The following ANAPC10 variants were observed in gnomAD, a reference collection of about 807,000 sequenced individuals.
The protein encoded by ANAPC10 is anaphase promoting complex subunit 10.
A neutral mutation model predicts 22.0 loss-of-function variants in ANAPC10; 12 were observed. The ratio of observed to expected loss-of-function variants is 0.55; its 90% CI spans 0.35 to 0.88. ANAPC10 has a LOEUF of 0.88. ANAPC10 is among the 40% of genes least tolerant of loss of function. The pLI, the probability that ANAPC10 is intolerant of heterozygous loss-of-function variation, is 0.01. For synonymous variants in ANAPC10, 65 were observed against 69.5 expected, an observed-to-expected ratio of 0.94 and a Z score of 0.32; for missense variants, 188 against 220.9, an observed-to-expected ratio of 0.85 and a Z score of 0.94.
intron 4 of ANAPC10, among the ~76,000 whole-genome samples, chr4:145,047,738 G>C (rs908230742): frequency 2.6e-5 from 4 of 152,048 alleles, no homozygotes; most frequent in Non-Finnish European, 5.9e-5. Context: ...TCAGAGAAAT[G>C]ATAAAATTTT....
At chr4:145,035,547 AC>A (rs1008543426) in intron 4 of ANAPC10, 2 of 152,296 alleles carry the variant, frequency 1.3e-5, no homozygotes, top group African/African-American at 4.8e-5. Context: ...AGGCTCTCCA[AC>A]TCCTAGGTCA....
At chr4:145,066,777 T>TA (rs34932133) in intron 3 of ANAPC10, among the ~76,000 whole-genome samples, 144,369 of 150,080 alleles carry the variant, frequency 0.96, 69,645 homozygotes, top group Non-Finnish European at 1. Flanking sequence ...TTTTCTGATT[T>TA]AAAAAAAAAA....
At chr4:145,015,403 A>C (rs925550678) in intron 4 of ANAPC10, among the ~76,000 whole-genome samples, 2 of 152,124 alleles carry the variant, frequency 1.3e-5, no homozygotes, top group Admixed American at 6.5e-5. Context: ...AAAAAGAATA[A>C]GAAAATATGA....
At chr4:144,996,013 A>C (rs1293517125) in intron 4 of ANAPC10, among the ~76,000 whole-genome samples, 1 of 152,222 alleles carries the variant, frequency 6.6e-6, no homozygotes, top group African/African-American at 2.4e-5. Context: ...AGATACTCAT[A>C]TTTTGAACAG....
Position 145,014,768 on chromosome 4 carries a change from G to A in ANAPC10, c.328-19165C>T, listed in dbSNP as rs1249590376. Among the ~76,000 whole-genome samples the A allele has an allele frequency of 2.0e-5, 3 of 152,304 alleles. No homozygotes were observed. The East Asian group carries it at 5.8e-4, about 29-fold the overall frequency. On this transcript the variant is annotated intron_variant, in intron 4 of 4. Coordinates refer to ENST00000507656, the MANE Select transcript of ANAPC10 (RefSeq NM_001256706.2). ...GACGGTTCACATCACAGGACTCTGT[G>A]CAGACAATGCCCAGTACCAGTCCGG...
At chr4:145,062,097 T>C (rs1422216314) in intron 4 of ANAPC10, among the ~76,000 whole-genome samples, 1 of 151,128 alleles carries the variant, frequency 6.6e-6, no homozygotes, top group Non-Finnish European at 1.5e-5. Flanking sequence ...GATAAAAAAA[T>C]TTAAAATATT....
At chr4:145,058,300 T>C (rs891188632) in intron 4 of ANAPC10, among the ~76,000 whole-genome samples, 2 of 152,166 alleles carry the variant, frequency 1.3e-5, no homozygotes, top group African/African-American at 4.8e-5. Flanking sequence ...ATGACCCTGC[T>C]AGAATGCCTC....
rs762369477 is a variant in ANAPC10 at position 145,098,193 on chromosome 4, G to C, written c.-86C>G. On this transcript the variant is annotated 5_prime_UTR_variant, in exon 1 of 5. Coordinates refer to ENST00000507656, the MANE Select transcript of ANAPC10 (RefSeq NM_001256706.2). ...AGCAGCTGGCTTCGCCAACGGCGTT[G>C]AACAAGGGTCGCAGCTCAATGACGT... The C allele has an allele frequency of 1.3e-5, 2 of 152,684 alleles. No homozygotes were observed. Among genetic ancestry groups the C allele is most frequent in the African/African-American group, 2.4e-5 (1 of 41,474 alleles). The allele number at this position is 152,684 out of a possible 1,614,324, so 9.5% of individuals were successfully genotyped here. A position where few individuals can be genotyped will look rare whatever the true frequency, so the allele number is the denominator to read the frequency against.
intron 4 of ANAPC10, among the ~76,000 whole-genome samples, chr4:145,030,186 C>T (rs1737346694): frequency 6.6e-6 from 1 of 152,168 alleles, no homozygotes; most frequent in Admixed American, 6.5e-5. Flanking sequence ...TTAACTTATA[C>T]AAACAGAAAA....
chr4:145,070,025 T>C (rs1744265832), intron 3 of ANAPC10, among the ~76,000 whole-genome samples: 1 of 152,182 alleles, frequency 6.6e-6, no homozygotes, highest in African/African-American at 2.4e-5. Context: ...TTAAAGTCCC[T>C]AATCTATAAT....
intron 4 of ANAPC10, among the ~76,000 whole-genome samples, chr4:145,044,905 T>A (rs915644495): frequency 6.6e-6 from 1 of 152,078 alleles, no homozygotes; most frequent in African/African-American, 2.4e-5. Flanking sequence ...TGAACTGATT[T>A]GTAAATTATG....
chr4:145,096,534 G>C (rs1352911434), intron 1 of ANAPC10, among the ~76,000 whole-genome samples: 1 of 152,204 alleles, frequency 6.6e-6, no homozygotes, highest in Non-Finnish European at 1.5e-5. Flanking sequence ...TAGACTTTGA[G>C]TAGGTCTGGG....
chr4:145,037,725 T>A (rs1738804864), intron 4 of ANAPC10, among the ~76,000 whole-genome samples: 1 of 152,114 alleles, frequency 6.6e-6, no homozygotes, highest in Non-Finnish European at 1.5e-5. Flanking sequence ...GGCAGGCAGA[T>A]CCCTGGAGCC....
intron 4 of ANAPC10, among the ~76,000 whole-genome samples, chr4:145,058,466 A>G (rs1742389861): frequency 6.6e-6 from 1 of 151,940 alleles, no homozygotes; most frequent in South Asian, 2.1e-4. Flanking sequence ...CTAAATGGCA[A>G]CTGAGAATTT....
chr4:145,059,801 T>C (rs1431583708), intron 4 of ANAPC10, among the ~76,000 whole-genome samples: 2 of 152,062 alleles, frequency 1.3e-5, no homozygotes, highest in Non-Finnish European at 2.9e-5. Flanking sequence ...TAAAATGCTA[T>C]AATGATCACA....
chr4:144,996,915 C>A (rs551324278), intron 4 of ANAPC10, among the ~76,000 whole-genome samples: 1 of 152,244 alleles, frequency 6.6e-6, no homozygotes, highest in East Asian at 1.9e-4. Context: ...AGCTGAAAAC[C>A]ATGGCACGAG....
intron 3 of ANAPC10, among the ~76,000 whole-genome samples, chr4:145,066,093 T>C (rs1327357319): frequency 1.3e-5 from 2 of 152,104 alleles, no homozygotes; most frequent in Non-Finnish European, 2.9e-5. Flanking sequence ...AACAATGAGC[T>C]CCTTGAACAG....
At chr4:145,077,308 T>C (rs553981167) in intron 3 of ANAPC10, among the ~76,000 whole-genome samples, 7 of 152,254 alleles carry the variant, frequency 4.6e-5, no homozygotes, top group South Asian at 2.1e-4. Context: ...CTACAACTCA[T>C]TGGGGTCCCT....
At chr4:145,093,680 A>G (rs1022603018) in intron 2 of ANAPC10, among the ~76,000 whole-genome samples, 6 of 152,172 alleles carry the variant, frequency 3.9e-5, no homozygotes, top group African/African-American at 7.2e-5. Flanking sequence ...AAAAAATATA[A>G]TATCACAGAT....
Sources: gnomAD v4.1 joint callset for allele counts (sites outside exome capture counted in the v4.1 genomes callset) on GRCh38, gnomAD v4.1.1 for gene constraint, MANE v1.5 for transcripts, NCBI Gene and HGNC (gene_info 2026-07-23, HGNC 2026-07-21) for gene names.